Variants in CCDC192 observed in about 807,000 individuals in gnomAD.
CCDC192 encodes the protein coiled-coil domain-containing protein 192.
At chr5:127,924,699 G>T (rs544547374) in intron 6 of CCDC192, among the ~76,000 whole-genome samples, 1 of 152,302 alleles carries the variant, frequency 6.6e-6, no homozygotes, top group Admixed American at 6.5e-5. Flanking sequence ...AAAGTGGCCT[G>T]CATGTTTCAG....
At chr5:127,738,273 G>A (rs1023846508) in intron 2 of CCDC192, among the ~76,000 whole-genome samples, 4 of 142,332 alleles carry the variant, frequency 2.8e-5, no homozygotes, top group Non-Finnish European at 4.6e-5. Context: ...CTCTCTTCTG[G>A]CTTGTAGGGT....
intron 1 of CCDC192, among the ~76,000 whole-genome samples, chr5:127,705,498 T>C (rs538333065): frequency 6.6e-6 from 1 of 152,236 alleles, no homozygotes; most frequent in African/African-American, 2.4e-5. Flanking sequence ...GCACAGTCCT[T>C]GTCCTCTATG....
chr5:127,862,777 A>C (rs1043046281), intron 5 of CCDC192, among the ~76,000 whole-genome samples: 4 of 152,156 alleles, frequency 2.6e-5, no homozygotes, highest in African/African-American at 9.7e-5. Context: ...TCTTATACTA[A>C]TGCATTGAGT....
intron 5 of CCDC192, among the ~76,000 whole-genome samples, chr5:127,816,792 AT>A (rs1200694792): frequency 6.6e-6 from 1 of 152,212 alleles, no homozygotes; most frequent in Non-Finnish European, 1.5e-5. Context: ...AGGTGGGGAA[AT>A]AACCAAGCTT....
intron 6 of CCDC192, among the ~76,000 whole-genome samples, chr5:127,918,216 T>TAAAAAAAAAAAAAAAAAAAAAAAA (rs1219307107): frequency 2.0e-4 from 20 of 100,384 alleles, no homozygotes; most frequent in African/African-American, 8.6e-4. Context: ...CTTCAATTTG[T>TAAAAAAAAAAAAAAAAAAAAAAAA]AAAAAAAAAA....
chr5:127,850,093 C>T (rs1412225459), intron 5 of CCDC192, among the ~76,000 whole-genome samples: 2 of 152,180 alleles, frequency 1.3e-5, no homozygotes, highest in African/African-American at 2.4e-5. Context: ...GATTATAGAG[C>T]TTGGGATCAG....
intron 3 of CCDC192, among the ~76,000 whole-genome samples, chr5:127,766,822 C>T (rs1021043005): frequency 6.6e-6 from 1 of 152,066 alleles, no homozygotes; most frequent in Non-Finnish European, 1.5e-5. Context: ...CTTTGGAACC[C>T]ACACACTCTC....
chr5:127,827,297 T>C (rs1227827784), intron 5 of CCDC192, among the ~76,000 whole-genome samples: 1 of 152,166 alleles, frequency 6.6e-6, no homozygotes, highest in East Asian at 1.9e-4. Flanking sequence ...AAGTACCCAT[T>C]TGGTCTGTCA....
chr5:127,711,751 TA>T (rs2126780573), intron 2 of CCDC192, among the ~76,000 whole-genome samples: 1 of 152,298 alleles, frequency 6.6e-6, no homozygotes, highest in South Asian at 2.1e-4. Context: ...GAGAACAATA[TA>T]AAATTGTATA....
At chr5:127,704,619 G>A (rs1477394101) in intron 1 of CCDC192, among the ~76,000 whole-genome samples, 2 of 152,130 alleles carry the variant, frequency 1.3e-5, no homozygotes, top group African/African-American at 4.8e-5. Flanking sequence ...TATGTAAAAT[G>A]TTGTTTATTT....
At chr5:127,916,000 G>A (rs1191142005) in intron 6 of CCDC192, among the ~76,000 whole-genome samples, 2 of 152,150 alleles carry the variant, frequency 1.3e-5, no homozygotes, top group African/African-American at 2.4e-5. Flanking sequence ...ATGCTGTTTG[G>A]TAGCATTTTA....
At chr5:127,891,705 C>G (rs1752737754) in intron 6 of CCDC192, among the ~76,000 whole-genome samples, 1 of 152,142 alleles carries the variant, frequency 6.6e-6, no homozygotes, top group African/African-American at 2.4e-5. Flanking sequence ...TCTCTTTGTC[C>G]CACTCTCACC....
intron 2 of CCDC192, among the ~76,000 whole-genome samples, chr5:127,713,464 A>G (rs1751451925): frequency 6.6e-6 from 1 of 152,086 alleles, no homozygotes; most frequent in Non-Finnish European, 1.5e-5. Context: ...GATGTAAAGA[A>G]TTTTTCATAT....
chr5:127,921,893 G>A (rs1753732941), intron 6 of CCDC192, among the ~76,000 whole-genome samples: 1 of 152,174 alleles, frequency 6.6e-6, no homozygotes, highest in African/African-American at 2.4e-5. Context: ...GTATGTGGTA[G>A]CCATGCTGGA....
At chr5:127,753,103 G>A (rs912595533) in intron 2 of CCDC192, among the ~76,000 whole-genome samples, 11 of 152,130 alleles carry the variant, frequency 7.2e-5, no homozygotes, top group African/African-American at 2.4e-4. Context: ...GCTGTGGACC[G>A]GAGCTGTTCC....
chr5:127,718,728 T>C (rs1313644386), intron 2 of CCDC192, among the ~76,000 whole-genome samples: 3 of 152,168 alleles, frequency 2.0e-5, no homozygotes, highest in Admixed American at 2.0e-4. Flanking sequence ...GTTTTGAGGA[T>C]CATCTTGTTA....
At chr5:127,753,942 T>C (rs1754408439) in intron 2 of CCDC192, among the ~76,000 whole-genome samples, 1 of 152,228 alleles carries the variant, frequency 6.6e-6, no homozygotes, top group South Asian at 2.1e-4. Flanking sequence ...ATCAGGAATG[T>C]GAAATTTTCA....
intron 5 of CCDC192, among the ~76,000 whole-genome samples, chr5:127,819,253 C>T (rs1749176369): frequency 6.6e-6 from 1 of 152,156 alleles, no homozygotes; most frequent in Non-Finnish European, 1.5e-5. Context: ...AACGACTTTC[C>T]CTCAAGAGAT....
chr5:127,936,983 C>T (rs1007431109), intron 6 of CCDC192, among the ~76,000 whole-genome samples: 2 of 152,208 alleles, frequency 1.3e-5, no homozygotes, highest in African/African-American at 2.4e-5. Flanking sequence ...CTAGAAAACT[C>T]ACTGGGGTGG....
Sources: allele counts gnomAD v4.1 joint callset (sites outside exome capture counted in the v4.1 genomes callset), GRCh38; gene constraint gnomAD v4.1.1; transcripts MANE v1.5; gene names NCBI Gene and HGNC (gene_info 2026-07-23, HGNC 2026-07-21).